PDE6D: variants seen among roughly 807,000 people sequenced by gnomAD.
PDE6D encodes phosphodiesterase 6D.
In PDE6D, 10 loss-of-function variants were observed where a neutral mutation model predicts 21.9. That is an observed-to-expected ratio of 0.46 (90% CI 0.28 to 0.78). The LOEUF (loss-of-function observed/expected upper bound fraction) is 0.78, where lower values mean the gene tolerates loss of function less well. Ranked by LOEUF, PDE6D falls within the 30% of genes least tolerant of loss-of-function variation. PDE6D has a pLI of 0.12. For synonymous variants in PDE6D, 59 were observed against 63.5 expected, an observed-to-expected ratio of 0.93 and a Z score of 0.34; for missense variants, 139 against 184.8, an observed-to-expected ratio of 0.75 and a Z score of 1.44.
chr2:231,748,014 T>C (rs2048808476), intron 1 of PDE6D, among the ~76,000 whole-genome samples: 2 of 152,220 alleles, frequency 1.3e-5, no homozygotes, highest in African/African-American at 4.8e-5. Flanking sequence ...TTTTTTTTGT[T>C]GTTCCCAGTT....
At chr2:231,747,725 A>G (rs1006845352) in intron 1 of PDE6D, among the ~76,000 whole-genome samples, 13 of 152,068 alleles carry the variant, frequency 8.5e-5, no homozygotes, top group Non-Finnish European at 1.6e-4. Context: ...CCTAGGCACA[A>G]AAGCCTCTTA....
chr2:231,738,240 C>G, intron 2 of PDE6D, 102 bp from the exon 3 acceptor site: 1 of 1,081,986 alleles, frequency 9.2e-7, no homozygotes, highest in Non-Finnish European at 1.3e-6. Flanking sequence ...TTAGAGAACA[C>G]TTTCTTACAG....
In PDE6D at chr2:231,781,249, C is replaced by T. The variant is rs1007838431; in HGVS notation, c.-135G>A. The T allele has an allele frequency of 2.7e-6, 2 of 744,232 alleles. 1 individual carries two copies. Among genetic ancestry groups the T allele is most frequent in the South Asian group, 3.3e-5 (2 of 60,638 alleles). 46.1% of individuals were successfully genotyped at this position (744,232 alleles called of 1,614,324 possible). On this transcript the variant is annotated 5_prime_UTR_variant, in exon 1 of 5. Coordinates refer to ENST00000287600, the MANE Select transcript of PDE6D (RefSeq NM_002601.4). ...GCAGCCGCAGCGGCCAGACCAGGACCGGCCTCTCTCTCCCCTCAGCTCCCG... is the reference window on the plus strand; with the variant it reads ...GCAGCCGCAGCGGCCAGACCAGGACTGGCCTCTCTCTCCCCTCAGCTCCCG...
chr2:231,755,498 G>T lies in PDE6D; in HGVS notation c.51-16310C>A, dbSNP rs1446620401. Among the ~76,000 whole-genome samples, 3 of 152,150 alleles carry T rather than the reference G, an allele frequency of 2.0e-5. No individual in the cohort carries two copies. In the East Asian group the frequency reaches 5.8e-4, roughly 29 times the overall value. ...CCCAGCACTTTGGGAGGCAGAGGTG[G>T]GCGGGATCACTTGAGGTCAGGAGTT... On this transcript the variant is annotated intron_variant, in intron 1 of 4. Coordinates refer to ENST00000287600, the MANE Select transcript of PDE6D (RefSeq NM_002601.4).
intron 1 of PDE6D, among the ~76,000 whole-genome samples, chr2:231,753,723 A>G (rs1414292376): frequency 6.6e-6 from 1 of 152,248 alleles, no homozygotes; most frequent in African/African-American, 2.4e-5. Context: ...TGGCTTTTAC[A>G]ATCTAATACA....
chr2:231,771,812 T>C (rs887985462), intron 1 of PDE6D, among the ~76,000 whole-genome samples: 2 of 152,140 alleles, frequency 1.3e-5, no homozygotes, highest in African/African-American at 4.8e-5. Context: ...ATATAAACAT[T>C]TGCCAAAAAA....
intron 1 of PDE6D, among the ~76,000 whole-genome samples, chr2:231,767,311 C>T (rs1431121989): frequency 1.3e-5 from 2 of 151,888 alleles, no homozygotes; most frequent in Admixed American, 6.6e-5. Context: ...CATCAAACAG[C>T]ATGCATTATC....
intron 1 of PDE6D, among the ~76,000 whole-genome samples, chr2:231,766,434 C>T (rs2048971265): frequency 6.6e-6 from 1 of 152,178 alleles, no homozygotes; most frequent in Non-Finnish European, 1.5e-5. Context: ...CTAGAAGAGA[C>T]ATATCCAAAG....
At chr2:231,735,087 G>A (rs143306427) in intron 4 of PDE6D, among the ~76,000 whole-genome samples, 37,907 of 141,222 alleles carry the variant, frequency 0.27, 5,020 homozygotes, top group Non-Finnish European at 0.32. Context: ...CTAAAAATAC[G>A]AAAAATTAGC....
chr2:231,747,960 T>C (rs1208580827), intron 1 of PDE6D, among the ~76,000 whole-genome samples: 3 of 152,370 alleles, frequency 2.0e-5, no homozygotes, highest in Non-Finnish European at 4.4e-5. Context: ...GCCATGATTC[T>C]GAGGCCTCTC....
chr2:231,780,268 T>C (rs908999394), intron 1 of PDE6D, among the ~76,000 whole-genome samples: 1 of 152,058 alleles, frequency 6.6e-6, no homozygotes, highest in African/African-American at 2.4e-5. Flanking sequence ...CCACCACAGC[T>C]AGGCATAACC....
chr2:231,736,254 A>C (rs571516861), intron 4 of PDE6D, among the ~76,000 whole-genome samples: 2 of 152,256 alleles, frequency 1.3e-5, no homozygotes, highest in Admixed American at 6.5e-5. Context: ...CAAATTCAAT[A>C]TGGCTTTCAT....
intron 1 of PDE6D, among the ~76,000 whole-genome samples, chr2:231,764,025 T>C (rs1246049727): frequency 6.6e-6 from 1 of 152,222 alleles, no homozygotes; most frequent in Admixed American, 6.5e-5. Context: ...CCGATTCTTT[T>C]GCCAGCCATA....
At chr2:231,765,386 A>G (rs960169060) in intron 1 of PDE6D, among the ~76,000 whole-genome samples, 1 of 152,188 alleles carries the variant, frequency 6.6e-6, no homozygotes, top group Non-Finnish European at 1.5e-5. Context: ...CACTCTCCCT[A>G]AGGACAACAC....
intron 1 of PDE6D, 77 bp downstream of exon 1, chr2:231,780,988 C>T (rs2049116088): frequency 7.5e-7 from 1 of 1,327,932 alleles, no homozygotes; most frequent in Admixed American, 1.8e-5. Context: ...TGGCGCGGCC[C>T]CCGCCCCCGG....
At chr2:231,763,628 C>T (rs959809058) in intron 1 of PDE6D, among the ~76,000 whole-genome samples, 1 of 148,930 alleles carries the variant, frequency 6.7e-6, no homozygotes. Context: ...TCTTTAAAAA[C>T]TTTTTTTTTC....
chr2:231,770,440 G>T (rs1259669024), intron 1 of PDE6D, among the ~76,000 whole-genome samples: 1 of 122,356 alleles, frequency 8.2e-6, no homozygotes, highest in African/African-American at 3.6e-5. Context: ...GGTGAATTGA[G>T]GGAAAAAAAA....
At chr2:231,733,832 G>A (rs1294562216) in intron 4 of PDE6D, among the ~76,000 whole-genome samples, 1 of 152,016 alleles carries the variant, frequency 6.6e-6, no homozygotes, top group African/African-American at 2.4e-5. Flanking sequence ...TGGGTATCTC[G>A]GTGCTCCCAT....
At chr2:231,761,658 A>G (rs1467297336) in intron 1 of PDE6D, among the ~76,000 whole-genome samples, 1 of 152,264 alleles carries the variant, frequency 6.6e-6, no homozygotes, top group Admixed American at 6.5e-5. Flanking sequence ...CTATATTCAT[A>G]GTTTAAAGGT....
Sources: allele counts gnomAD v4.1 joint callset (sites outside exome capture counted in the v4.1 genomes callset), GRCh38; gene constraint gnomAD v4.1.1; transcripts MANE v1.5; gene names NCBI Gene and HGNC (gene_info 2026-07-23, HGNC 2026-07-21).